The following TTLL11 variants were observed in gnomAD, a reference collection of about 807,000 sequenced individuals.
The protein encoded by TTLL11 is tubulin tyrosine ligase like 11.
TTLL11 carries 42 observed loss-of-function variants against 51.7 expected under a neutral mutation model. The ratio of observed to expected loss-of-function variants is 0.81; its 90% CI spans 0.64 to 1.05. TTLL11 has a LOEUF of 1.05. Ranked by LOEUF, TTLL11 falls within the 50% of genes least tolerant of loss-of-function variation. The probability of loss-of-function intolerance (pLI) is 0.00; values close to 1 mark genes in which losing one functional copy is unlikely to be tolerated. For missense variants in TTLL11, 799 were observed against 940.4 expected, an observed-to-expected ratio of 0.85 and a Z score of 1.97; for synonymous variants, 381 against 383.5, an observed-to-expected ratio of 0.99 and a Z score of 0.08.
At chr9:121,850,910 A>C (rs965589909) in intron 8 of TTLL11, among the ~76,000 whole-genome samples, 3 of 152,238 alleles carry the variant, frequency 2.0e-5, no homozygotes, top group African/African-American at 7.2e-5. Context: ...TAGTAGCTTT[A>C]ATTATGATTG....
intron 2 of TTLL11, among the ~76,000 whole-genome samples, chr9:122,038,975 C>G (rs1249565485): frequency 6.6e-6 from 1 of 152,102 alleles, no homozygotes; most frequent in East Asian, 1.9e-4. Context: ...ATGAAATGTT[C>G]TATTATTTTT....
Position 121,923,582 on chromosome 9 carries a change from G to T in TTLL11, c.1481+50427C>A, listed in dbSNP as rs902107715. Among the ~76,000 whole-genome samples the T allele has an allele frequency of 5.9e-5, 9 of 152,126 alleles. No homozygotes were observed. In the East Asian group the frequency reaches 1.7e-3, roughly 29 times the overall value. Reference sequence around the variant, plus strand: ...ACCTCTGAGCCAGGCATTGTTCCAGGTGCTTTAAAAACCATATTCATCTTT... The same window carrying T: ...ACCTCTGAGCCAGGCATTGTTCCAGTTGCTTTAAAAACCATATTCATCTTT... On this transcript the variant is annotated intron_variant, in intron 6 of 8. Transcript: ENST00000321582.
chr9:121,960,959 C>T (rs1239045777), intron 6 of TTLL11, among the ~76,000 whole-genome samples: 2 of 152,110 alleles, frequency 1.3e-5, no homozygotes, highest in Non-Finnish European at 2.9e-5. Flanking sequence ...ATGAGGGTTG[C>T]AAAGGGCTCT....
intron 1 of TTLL11, among the ~76,000 whole-genome samples, chr9:122,048,038 C>A (rs1202396859): frequency 6.6e-6 from 1 of 152,236 alleles, no homozygotes; most frequent in Non-Finnish European, 1.5e-5. Context: ...TGAATCCCCA[C>A]TGCCTCTGCC....
chr9:122,030,899 C>T (rs545394521), intron 3 of TTLL11, among the ~76,000 whole-genome samples: 159 of 152,062 alleles, frequency 1.0e-3, no homozygotes, highest in African/African-American at 3.5e-3. Context: ...CAAGATCTCA[C>T]GACTGCACTC....
chr9:121,826,217 T>TATATATATATATATACAC (rs1491163835), intron 8 of TTLL11, among the ~76,000 whole-genome samples: 4 of 58,114 alleles, frequency 6.9e-5, no homozygotes, highest in Admixed American at 2.2e-4. Flanking sequence ...TATATATATA[T>TATATATATATATATACAC]GCACACATAT....
At chr9:121,952,303 AC>A (rs1366471978) in intron 6 of TTLL11, among the ~76,000 whole-genome samples, 1 of 152,030 alleles carries the variant, frequency 6.6e-6, no homozygotes, top group Non-Finnish European at 1.5e-5. Flanking sequence ...AAAATTAGCC[AC>A]GTGTGGTGGC....
At chr9:122,088,437 C>T (rs1003963528) in intron 1 of TTLL11, among the ~76,000 whole-genome samples, 1 of 152,226 alleles carries the variant, frequency 6.6e-6, no homozygotes, top group African/African-American at 2.4e-5. Context: ...ATAGAGAGCA[C>T]AGAATTGAAG....
At chr9:121,999,289 T>A (rs1843387324) in intron 3 of TTLL11, among the ~76,000 whole-genome samples, 1 of 152,116 alleles carries the variant, frequency 6.6e-6, no homozygotes, top group Non-Finnish European at 1.5e-5. Flanking sequence ...AACTCCCCAC[T>A]CTCTATCTCT....
intron 1 of TTLL11, among the ~76,000 whole-genome samples, chr9:122,076,776 G>A (rs1013329964): frequency 6.8e-6 from 1 of 148,030 alleles, no homozygotes; most frequent in Non-Finnish European, 1.5e-5. Context: ...GAAGAGAGTG[G>A]ATGAGAGACA....
chr9:121,848,966 G>C (rs924110750), intron 8 of TTLL11, among the ~76,000 whole-genome samples: 1 of 152,200 alleles, frequency 6.6e-6, no homozygotes, highest in Non-Finnish European at 1.5e-5. Flanking sequence ...AAAGAACCAA[G>C]TCAGTGGACT....
At position 122,076,717 on chromosome 9, in the gene TTLL11, C is replaced by CA. The variant is rs577577338; in HGVS notation, c.462+15969dup. 8.8e-3 allele frequency among the ~76,000 whole-genome samples: 889 copies of CA among 101,474 alleles called. 7 individuals carry two copies. Among genetic ancestry groups the CA allele is most frequent in the African/African-American group, 0.021 (590 of 27,778 alleles). 66.6% of individuals were successfully genotyped at this position (101,474 alleles called of 152,430 possible). ...GTTCCAAGGAACATAAGATCACCATCAAAAAAAAAAAAAAGGCCTAACACC... is the reference window on the plus strand; with the variant it reads ...GTTCCAAGGAACATAAGATCACCATCAAAAAAAAAAAAAAAGGCCTAACACC... On this transcript the variant is annotated intron_variant, in intron 1 of 8. Coordinates refer to ENST00000321582, the MANE Select transcript of TTLL11 (RefSeq NM_001139442.2).
intron 8 of TTLL11, among the ~76,000 whole-genome samples, chr9:121,841,717 G>C (rs1240719837): frequency 6.6e-6 from 1 of 152,066 alleles, no homozygotes; most frequent in Non-Finnish European, 1.5e-5. Context: ...AAAGCCCAAT[G>C]ATTATTATCG....
chr9:122,017,221 C>A (rs1251997593), intron 3 of TTLL11, among the ~76,000 whole-genome samples: 1 of 152,170 alleles, frequency 6.6e-6, no homozygotes, highest in Non-Finnish European at 1.5e-5. Flanking sequence ...TTCTGAGGCA[C>A]TGTCAGGACA....
chr9:121,958,020 T>C (rs900682710), intron 6 of TTLL11, among the ~76,000 whole-genome samples: 1 of 152,240 alleles, frequency 6.6e-6, no homozygotes, highest in African/African-American at 2.4e-5. Flanking sequence ...ATGTACCTAG[T>C]AGGAACTCAA....
intron 6 of TTLL11, among the ~76,000 whole-genome samples, chr9:121,941,628 A>C (rs2131581822): frequency 6.6e-6 from 1 of 152,296 alleles, no homozygotes; most frequent in East Asian, 1.9e-4. Flanking sequence ...AGAACTAGGA[A>C]TGATGGTCTC....
At chr9:121,931,599 A>AG (rs1840982772) in intron 6 of TTLL11, among the ~76,000 whole-genome samples, 18 of 151,130 alleles carry the variant, frequency 1.2e-4, no homozygotes, top group African/African-American at 3.4e-4. Flanking sequence ...AAAAAAAAAA[A>AG]AAAAAAGAAA....
chr9:122,060,166 C>T (rs1323218345), intron 1 of TTLL11, among the ~76,000 whole-genome samples: 1 of 152,140 alleles, frequency 6.6e-6, no homozygotes, highest in Non-Finnish European at 1.5e-5. Flanking sequence ...ACAGGGTCCA[C>T]CCACACTCAA....
chr9:121,914,711 G>C (rs60593842), intron 6 of TTLL11, among the ~76,000 whole-genome samples: 4,467 of 152,222 alleles, frequency 0.029, 169 homozygotes, highest in African/African-American at 0.082. Flanking sequence ...ACTCCTGCCT[G>C]CGCTCCTGCA....
Sources: allele counts gnomAD v4.1 joint callset (sites outside exome capture counted in the v4.1 genomes callset), GRCh38; gene constraint gnomAD v4.1.1; transcripts MANE v1.5; gene names NCBI Gene and HGNC (gene_info 2026-07-23, HGNC 2026-07-21).